The following OR8B8 variants were observed in gnomAD, a reference collection of about 807,000 sequenced individuals.
OR8B8 encodes olfactory receptor family 8 subfamily B member 8, also known as olfactory receptor 8B8.
In OR8B8, 8 loss-of-function variants were observed where a neutral mutation model predicts 10.5. The ratio of observed to expected loss-of-function variants is 0.76; its 90% CI spans 0.45 to 1.38. The LOEUF is 1.38. Ranked by LOEUF, OR8B8 falls within the 40% of genes most tolerant of loss-of-function variation. The probability of loss-of-function intolerance (pLI) is 0.00; values close to 1 mark genes in which losing one functional copy is unlikely to be tolerated. For synonymous variants in OR8B8, 150 were observed against 145.2 expected (o/e 1.03, Z -0.24); for missense variants, 390 against 380.5 (o/e 1.03, Z -0.21).
intron 1 of OR8B8, among the ~76,000 whole-genome samples, chr11:124,444,212 G>A (rs1421770339): frequency 1.3e-5 from 2 of 152,042 alleles, no homozygotes; most frequent in Non-Finnish European, 2.9e-5. Flanking sequence ...AACAGTATTC[G>A]GATCAGGTTT....
Position 124,440,071 on chromosome 11 carries a change from A to C in OR8B8, c.*79T>G. On this transcript the variant is annotated 3_prime_UTR_variant, in exon 3 of 3. Coordinates refer to ENST00000642064, the MANE Select transcript of OR8B8 (RefSeq NM_012378.2). ...TGATGAACCTGTTTGAGGAAAAATTATATTTCTTCCATGTAACCAGTGGAG... is the reference window on the plus strand; with the variant it reads ...TGATGAACCTGTTTGAGGAAAAATTCTATTTCTTCCATGTAACCAGTGGAG... 1.7e-6 allele frequency: 2 copies of C among 1,177,994 alleles called. No homozygotes were observed. Among genetic ancestry groups the C allele is most frequent in the Non-Finnish European group, 2.4e-6 (2 of 831,758 alleles). The allele number at this position is 1,177,994 out of a possible 1,614,324, so 73.0% of individuals were successfully genotyped here.
Position 124,440,546 on chromosome 11 carries a change from G to A in OR8B8, c.540C>T (p.Asp180=), listed in dbSNP as rs139339642. The part of the protein sequence containing the change: ...ANNLVNHYMC[D]ILPLLECACT... ...AAGCACACTCAAGAAGGGGAAGGAT[G>A]TCACACATGTAGTGGTTGACAAGGT... is the stretch of plus-strand genomic sequence containing the variant. The change falls in exon 3 of 3, where the codon GAC becomes GAT. Residue 180 remains aspartate, a synonymous_variant. Transcript: ENST00000642064. 122 of 1,614,214 alleles carry A rather than the reference G, an allele frequency of 7.6e-5. No individual in the cohort carries two copies. The highest frequency in any genetic ancestry group is 2.1e-4 in the African/African-American group (16 of 75,042).
Position 124,441,323 on chromosome 11 carries a change from G to A in OR8B8, c.-17+165C>T, listed in dbSNP as rs151236569. On this transcript the variant is annotated intron_variant, in intron 2 of 2. Transcript: ENST00000642064. ...ATCTTTACTTTGATCCCTTTGTTGC[G>A]CCCTTTCAACTCCAGTTTCTACTTA... Among the ~76,000 whole-genome samples the A allele has an allele frequency of 8.5e-5, 13 of 152,216 alleles. No homozygotes were observed. In the South Asian group the frequency reaches 1.2e-3, roughly 15 times the overall value.
intron 1 of OR8B8, among the ~76,000 whole-genome samples, chr11:124,444,998 C>G (rs1443459328): frequency 6.7e-6 from 1 of 149,930 alleles, no homozygotes; most frequent in Non-Finnish European, 1.5e-5. Flanking sequence ...ATTACCCTGT[C>G]CCTACTTCCT....
At position 124,438,085 on chromosome 11, in the gene OR8B8, T is replaced by C. The variant is rs1425525929; in HGVS notation, c.*2065A>G. The C allele has an allele frequency of 6.6e-6, 1 of 152,104 alleles. No individual in the cohort carries two copies. Among genetic ancestry groups the C allele is most frequent in the Non-Finnish European group, 1.5e-5 (1 of 68,014 alleles). 9.4% of individuals were successfully genotyped at this position (152,104 alleles called of 1,614,324 possible). A position where few individuals can be genotyped will look rare whatever the true frequency, so the allele number is the denominator to read the frequency against. On this transcript the variant is annotated 3_prime_UTR_variant, in exon 3 of 3. Transcript: ENST00000642064. ...AATTTACCGAGAATCTGGCATCTAA[T>C]TCACTTAATACCTCTGAGAAAAACG...
chr11:124,440,322 C>T lies in OR8B8; in HGVS notation c.764G>A (p.Gly255Glu). The T allele has an allele frequency of 6.2e-7, 1 of 1,614,194 alleles. No homozygotes were observed. The highest frequency in any genetic ancestry group is 8.5e-7 in the Non-Finnish European group (1 of 1,180,040). The change falls in exon 3 of 3, where the codon GGA (glycine) becomes GAA (glutamate). Residue 255 changes from glycine to glutamate, a missense_variant. Coordinates refer to ENST00000642064, the MANE Select transcript of OR8B8 (RefSeq NM_012378.2). Reference protein sequence around the residue: ...IIAVSLFFGSGAFMYLKPFSL... With the variant: ...IIAVSLFFGSEAFMYLKPFSL... ...AAAGGGTTTGAGGTACATGAATGCT[C>T]CTGACCCAAAGAACAGAGAAACTGC... is the stretch of plus-strand genomic sequence containing the variant.
At position 124,437,738 on chromosome 11, in the gene OR8B8, A is replaced by G. The variant is rs1861421239; in HGVS notation, c.*2412T>C. 6.6e-6 allele frequency: 1 copy of G among 152,134 alleles called. No individual in the cohort carries two copies. Among genetic ancestry groups the G allele is most frequent in the South Asian group, 2.1e-4 (1 of 4,826 alleles). The allele number at this position is 152,134 out of a possible 1,614,324, so 9.4% of individuals were successfully genotyped here. A position where few individuals can be genotyped will look rare whatever the true frequency, so the allele number is the denominator to read the frequency against. On this transcript the variant is annotated 3_prime_UTR_variant, in exon 3 of 3. Transcript: ENST00000642064. ...GCACCCAGCCTCAGGACTCTTTTAT[A>G]AGGACACTAACCTCATTCATGAGGG...
intron 2 of OR8B8, 96 bp downstream of exon 2, chr11:124,441,392 G>A (rs1424238077): frequency 4.4e-5 from 16 of 363,794 alleles, no homozygotes; most frequent in African/African-American, 3.3e-4. Flanking sequence ...AGTCCTCTTA[G>A]AGGCCGGACC....
At position 124,440,344 on chromosome 11, in the gene OR8B8, C is replaced by A; in HGVS notation, c.742G>T (p.Val248Phe). The A allele has an allele frequency of 6.2e-7, 1 of 1,614,180 alleles. No homozygotes were observed. Among genetic ancestry groups the A allele is most frequent in the Non-Finnish European group, 8.5e-7 (1 of 1,180,038 alleles). Residue 248 changes from valine (V) to phenylalanine (F), a missense_variant, in exon 3 of 3, where the codon GTT (valine) becomes TTT (phenylalanine). Val to Phe is a conservative substitution (Grantham distance 50). Transcript: ENST00000642064. The stretch of plus-strand genomic sequence containing the variant: ...GCTCCTGACCCAAAGAACAGAGAAA[C>A]TGCAATTATGTGGGAGCTGCAGGTG... ...FSTCSSHIIA[V>F]SLFFGSGAFM...
chr11:124,442,874 T>C (rs1207835405), intron 1 of OR8B8, among the ~76,000 whole-genome samples: 4 of 152,226 alleles, frequency 2.6e-5, no homozygotes, highest in Admixed American at 6.5e-5. Context: ...TTAAAAATCA[T>C]CTAATCCTGT....
intron 2 of OR8B8, 154 bp from the exon 3 acceptor site, chr11:124,441,255 C>T: frequency 1.7e-6 from 1 of 601,550 alleles, no homozygotes; most frequent in South Asian, 2.2e-5. Flanking sequence ...TGGAGCAAGC[C>T]CCGCCTCCAT....
intron 1 of OR8B8, among the ~76,000 whole-genome samples, chr11:124,441,883 T>A (rs1005744801): frequency 6.6e-6 from 1 of 152,162 alleles, no homozygotes; most frequent in Non-Finnish European, 1.5e-5. Flanking sequence ...CAGCAGAAGT[T>A]CCCCTGGGAT....
chr11:124,439,919 G>A lies in OR8B8; in HGVS notation c.*231C>T. 2 of 466,886 alleles carry A rather than the reference G, an allele frequency of 4.3e-6. No homozygotes were observed. The highest frequency in any genetic ancestry group is 6.7e-5 in the East Asian group (2 of 30,046). The allele number at this position is 466,886 out of a possible 1,614,324, so 28.9% of individuals were successfully genotyped here. A position where few individuals can be genotyped will look rare whatever the true frequency, so the allele number is the denominator to read the frequency against. On this transcript the variant is annotated 3_prime_UTR_variant, in exon 3 of 3. Transcript: ENST00000642064. ...TGAGCAGCTGAGCGACCTCGGGGAA[G>A]GTACATAAGCTTGAGTCTATCCTCA...
In OR8B8 at chr11:124,440,197, C is replaced by T. The variant is rs190323444; in HGVS notation, c.889G>A (p.Val297Ile). The T allele has an allele frequency of 3.3e-5, 54 of 1,613,794 alleles. No homozygotes were observed. In the East Asian group the frequency reaches 5.6e-4, roughly 17 times the overall value. Residue 297 changes from valine (V) to isoleucine (I), a missense_variant, in exon 3 of 3, where the codon GTC becomes ATC. Physicochemically the swap from Val to Ile is conservative, Grantham distance 29. Transcript: ENST00000642064. ...PLIYSLRNKD[V>I]KVALKKILNK... Reference sequence around the variant, plus strand: ...AAGATTTTCTTTAGAGCAACTTTGACGTCCTTATTCCTCAGGCTATAAATT... The same window carrying T: ...AAGATTTTCTTTAGAGCAACTTTGATGTCCTTATTCCTCAGGCTATAAATT...
intron 2 of OR8B8, 173 bp from the exon 3 acceptor site, chr11:124,441,274 C>G (rs1861473258): frequency 1.7e-6 from 1 of 577,690 alleles, no homozygotes; most frequent in Non-Finnish European, 3.1e-6. Context: ...ATGGCCAGGG[C>G]AGGTGCTGCT....
rs1271980403 is a variant in OR8B8 at position 124,439,298 on chromosome 11, T to C, written c.*852A>G. The C allele has an allele frequency of 6.6e-6, 1 of 152,354 alleles. No individual in the cohort carries two copies. Among genetic ancestry groups the C allele is most frequent in the South Asian group, 2.1e-4 (1 of 4,826 alleles). 9.4% of individuals were successfully genotyped at this position (152,354 alleles called of 1,614,324 possible). A position where few individuals can be genotyped will look rare whatever the true frequency, so the allele number is the denominator to read the frequency against. ...CCCAGGCTGGAGTGCAGTGGCATGA[T>C]CTTGGCTCGCTGCAACCTCCACCTC... On this transcript the variant is annotated 3_prime_UTR_variant, in exon 3 of 3. Coordinates refer to ENST00000642064, the MANE Select transcript of OR8B8 (RefSeq NM_012378.2).
rs1474894249 is a variant in OR8B8 at position 124,437,990 on chromosome 11, C to T, written c.*2160G>A. On this transcript the variant is annotated 3_prime_UTR_variant, in exon 3 of 3. Transcript: ENST00000642064. ...GACCCAGAAAAATGAAGCAATTGTC[C>T]CAAGGTCACATAATAAATTAGTGCA... The T allele has an allele frequency of 6.6e-6, 1 of 151,798 alleles. No individual in the cohort carries two copies. Among genetic ancestry groups the T allele is most frequent in the Non-Finnish European group, 1.5e-5 (1 of 67,956 alleles). 9.4% of individuals were successfully genotyped at this position (151,798 alleles called of 1,614,324 possible).
rs1306083460 is a variant in OR8B8 at position 124,440,418 on chromosome 11, G to A, written c.668C>T (p.Ser223Phe). ...CGTGGAATCAATGTGGAAGATGCTG[G>A]AGAGAATGAGAGCATAGGAAATGAA... ...TIFISYALIL[S>F]SIFHIDSTEG... The change falls in exon 3 of 3, where the codon TCC (serine) becomes TTC (phenylalanine). Residue 223 changes from serine to phenylalanine, a missense_variant. Transcript: ENST00000642064. 5 of 1,614,170 alleles carry A rather than the reference G, an allele frequency of 3.1e-6. No homozygotes were observed. In the South Asian group the frequency reaches 4.4e-5, roughly 14 times the overall value.
At position 124,437,667 on chromosome 11, in the gene OR8B8, T is replaced by TGTGCGC. The variant is rs1348230432; in HGVS notation, c.*2482_*2483insGCGCAC. The stretch of plus-strand genomic sequence containing the variant: ...GTGTGTGTGTGTGTGTGTGTGTGTG[T>TGTGCGC]GCGCGCGCGCGTGCGTGCGTGCTGG... On this transcript the variant is annotated 3_prime_UTR_variant, in exon 3 of 3. Transcript: ENST00000642064. The TGTGCGC allele has an allele frequency of 6.3e-5, 7 of 110,568 alleles. No individual in the cohort carries two copies. Among genetic ancestry groups the TGTGCGC allele is most frequent in the East Asian group, 2.4e-4 (1 of 4,202 alleles). 6.8% of individuals were successfully genotyped at this position (110,568 alleles called of 1,614,324 possible).
Sources: gnomAD v4.1 joint callset for allele counts (sites outside exome capture counted in the v4.1 genomes callset) on GRCh38, gnomAD v4.1.1 for gene constraint, MANE v1.5 for transcripts, NCBI Gene and HGNC (gene_info 2026-07-23, HGNC 2026-07-21) for gene names.